Variants in ANKS1B observed in about 807,000 individuals in gnomAD.
The protein encoded by ANKS1B is ankyrin repeat and sterile alpha motif domain containing 1B, also known as ankyrin repeat and sterile alpha motif domain-containing protein 1B.
Under a neutral mutation model 148.3 loss-of-function variants are expected in ANKS1B, and 36 were observed. That is an observed-to-expected ratio of 0.24 (90% CI 0.19 to 0.32). The LOEUF is 0.32. ANKS1B is among the 10% of genes least tolerant of loss of function. The probability of loss-of-function intolerance (pLI) is 1.00; values close to 1 mark genes in which losing one functional copy is unlikely to be tolerated. For synonymous variants in ANKS1B, 542 were observed against 560.8 expected (o/e 0.97, Z 0.47); for missense variants, 1,157 against 1,542.6 (o/e 0.75, Z 4.19).
intron 19 of ANKS1B, among the ~76,000 whole-genome samples, chr12:98,814,551 A>T (rs893002324): frequency 3.9e-5 from 6 of 152,218 alleles, no homozygotes; most frequent in Admixed American, 3.3e-4. Flanking sequence ...ATTTCCTGAT[A>T]AAGACAGTAA....
At chr12:99,631,392 A>C (rs1173507912) in intron 9 of ANKS1B, among the ~76,000 whole-genome samples, 3 of 152,174 alleles carry the variant, frequency 2.0e-5, no homozygotes, top group African/African-American at 7.2e-5. Context: ...GATAATGGGC[A>C]GAAGCTGGAA....
intron 12 of ANKS1B, among the ~76,000 whole-genome samples, chr12:99,352,889 A>G (rs2091582585): frequency 6.6e-6 from 1 of 152,088 alleles, no homozygotes; most frequent in Non-Finnish European, 1.5e-5. Context: ...TATTATAGAT[A>G]TAACTAAAGA....
intron 9 of ANKS1B, among the ~76,000 whole-genome samples, chr12:99,506,822 A>T (rs375664036): frequency 7.4e-4 from 113 of 152,182 alleles, no homozygotes; most frequent in African/African-American, 2.4e-3. Context: ...AACAAATAGC[A>T]TTATAAAGCA....
chr12:98,833,771 G>T (rs753266983), intron 17 of ANKS1B, among the ~76,000 whole-genome samples: 3 of 152,010 alleles, frequency 2.0e-5, no homozygotes, highest in Non-Finnish European at 4.4e-5. Flanking sequence ...GTCGTCCCCA[G>T]TGTTCACTGT....
chr12:98,953,346 G>T (rs2099856894), intron 17 of ANKS1B, among the ~76,000 whole-genome samples: 1 of 151,626 alleles, frequency 6.6e-6, no homozygotes, highest in East Asian at 1.9e-4. Flanking sequence ...TGTAGAAATG[G>T]GGTCTTATGT....
chr12:99,004,865 C>A (rs552090257), intron 17 of ANKS1B, among the ~76,000 whole-genome samples: 44 of 151,818 alleles, frequency 2.9e-4, no homozygotes, highest in Non-Finnish European at 5.3e-4. Context: ...ATCCTTAAAA[C>A]TGAAGAGATA....
chr12:98,974,372 A>C (rs1244386385), intron 17 of ANKS1B, among the ~76,000 whole-genome samples: 1 of 152,190 alleles, frequency 6.6e-6, no homozygotes, highest in Non-Finnish European at 1.5e-5. Flanking sequence ...AAGTAATACG[A>C]ATATAACAGT....
intron 11 of ANKS1B, among the ~76,000 whole-genome samples, chr12:99,439,141 C>G (rs1048580208): frequency 6.6e-6 from 1 of 151,486 alleles, no homozygotes; most frequent in Non-Finnish European, 1.5e-5. Flanking sequence ...AAAATTAAAT[C>G]TTGACCCCCA....
At chr12:99,690,091 T>A (rs1177908796) in intron 8 of ANKS1B, among the ~76,000 whole-genome samples, 2 of 151,478 alleles carry the variant, frequency 1.3e-5, no homozygotes, top group African/African-American at 2.4e-5. Context: ...CAGGACAGAG[T>A]GAGTGCAAGC....
chr12:99,236,712 A>G (rs1035451599), intron 14 of ANKS1B, among the ~76,000 whole-genome samples: 1 of 152,200 alleles, frequency 6.6e-6, no homozygotes, highest in Non-Finnish European at 1.5e-5. Flanking sequence ...GAATAGGAAT[A>G]AGGAGGGCAT....
chr12:98,984,078 T>C (rs898232198), intron 17 of ANKS1B, among the ~76,000 whole-genome samples: 11 of 152,238 alleles, frequency 7.2e-5, no homozygotes, highest in Non-Finnish European at 1.6e-4. Context: ...AGTGATTCAC[T>C]GCATCATACA....
intron 17 of ANKS1B, among the ~76,000 whole-genome samples, chr12:98,903,086 G>T (rs1451525404): frequency 2.6e-5 from 4 of 152,098 alleles, no homozygotes; most frequent in African/African-American, 9.7e-5. Flanking sequence ...CTCTAGGAAT[G>T]CACATTAAGG....
Position 99,152,356 on chromosome 12 carries a change from TTAA to T in ANKS1B, c.2526+1930_2526+1932del, listed in dbSNP as rs138549001. On this transcript the variant is annotated intron_variant, in intron 15 of 26. Transcript: ENST00000683438. ...AAAGTATTTGATTGGCCCATCTAAG[TTAA>T]TAATATTTTCTTATTTTCTAGAAAA... Among the ~76,000 whole-genome samples the T allele has an allele frequency of 6.4e-3, 973 of 152,256 alleles. 4 individuals carry two copies. The highest frequency in any genetic ancestry group is 0.011 in the Non-Finnish European group (744 of 67,984).
chr12:99,087,854 A>G (rs1031315563), intron 15 of ANKS1B, among the ~76,000 whole-genome samples: 3 of 152,190 alleles, frequency 2.0e-5, no homozygotes, highest in African/African-American at 7.2e-5. Flanking sequence ...CAGTGTTTGA[A>G]TACTGAAATG....
chr12:99,516,872 T>C (rs1210069543), intron 9 of ANKS1B, among the ~76,000 whole-genome samples: 1 of 152,162 alleles, frequency 6.6e-6, no homozygotes, highest in African/African-American at 2.4e-5. Flanking sequence ...CATTGGTCAA[T>C]ATGCCTGTTC....
At chr12:99,867,830 G>C (rs1242950284) in intron 1 of ANKS1B, among the ~76,000 whole-genome samples, 1 of 152,132 alleles carries the variant, frequency 6.6e-6, no homozygotes, top group Non-Finnish European at 1.5e-5. Flanking sequence ...AGCCAGGATA[G>C]TATTAATATC....
chr12:99,930,701 C>T (rs1421748183), intron 1 of ANKS1B, among the ~76,000 whole-genome samples: 4 of 152,056 alleles, frequency 2.6e-5, no homozygotes, highest in African/African-American at 9.7e-5. Flanking sequence ...CAACAGGTGC[C>T]GGAAAGGATG....
chr12:99,230,934 ACTAC>A (rs2086739076), intron 14 of ANKS1B, among the ~76,000 whole-genome samples: 1 of 152,194 alleles, frequency 6.6e-6, no homozygotes, highest in African/African-American at 2.4e-5. Flanking sequence ...AATGTATTCT[ACTAC>A]CTACCTTCCC....
intron 1 of ANKS1B, among the ~76,000 whole-genome samples, chr12:99,871,284 C>A (rs2091479970): frequency 6.6e-6 from 1 of 152,098 alleles, no homozygotes; most frequent in Non-Finnish European, 1.5e-5. Context: ...TGTTTTTGTT[C>A]TAGTACCATG....
Sources: allele counts gnomAD v4.1 joint callset (sites outside exome capture counted in the v4.1 genomes callset), GRCh38; gene constraint gnomAD v4.1.1; transcripts MANE v1.5; gene names NCBI Gene and HGNC (gene_info 2026-07-23, HGNC 2026-07-21).